MGAT4C: variants seen among roughly 807,000 people sequenced by gnomAD.
MGAT4C encodes the protein MGAT4 family member C.
In MGAT4C, 19 loss-of-function variants were observed where a neutral mutation model predicts 40.1. The observed-to-expected ratio is 0.47, with a 90% CI of 0.33 to 0.70. The LOEUF is 0.70. Among genes scored for constraint, MGAT4C ranks in the 30% least tolerant of loss-of-function variants. MGAT4C has a pLI of 0.02. For synonymous variants in MGAT4C, 181 were observed against 187.1 expected (o/e 0.97, Z 0.27); for missense variants, 491 against 563.2 (o/e 0.87, Z 1.30).
intron 3 of MGAT4C, among the ~76,000 whole-genome samples, chr12:86,361,652 A>T (rs578182326): frequency 6.6e-6 from 1 of 152,330 alleles, no homozygotes; most frequent in Non-Finnish European, 1.5e-5. Context: ...AAAATCATAC[A>T]ACCCCATCAA....
At chr12:86,144,076 C>A (rs1326295933) in intron 1 of MGAT4C, among the ~76,000 whole-genome samples, 1 of 152,150 alleles carries the variant, frequency 6.6e-6, no homozygotes, top group Non-Finnish European at 1.5e-5. Context: ...AAGAGGGAGC[C>A]ACTAGGTGGC....
chr12:86,524,442 G>C (rs1214435621), intron 2 of MGAT4C, among the ~76,000 whole-genome samples: 1 of 151,802 alleles, frequency 6.6e-6, no homozygotes, highest in Non-Finnish European at 1.5e-5. Flanking sequence ...GCTACTGTTA[G>C]TCTGATGAGC....
chr12:86,689,150 G>T (rs1313142781), intron 2 of MGAT4C, among the ~76,000 whole-genome samples: 2 of 152,114 alleles, frequency 1.3e-5, no homozygotes, highest in Admixed American at 1.3e-4. Flanking sequence ...TGATACCTGT[G>T]TATACTTCAC....
At position 86,707,528 on chromosome 12, in the gene MGAT4C, C is replaced by CT. The variant is rs755566527; in HGVS notation, c.-229+19680dup. ...TATCTGGCGGAGGAATTTTTCTTTT[C>CT]TTTTTTTTTTTTTTTTAATTGAGGT... On this transcript the variant is annotated intron_variant, in intron 2 of 7. Transcript: ENST00000548651. Among the ~76,000 whole-genome samples, 751 of 132,824 alleles carry CT rather than the reference C, an allele frequency of 5.7e-3. 6 individuals carry two copies. Among genetic ancestry groups the CT allele is most frequent in the African/African-American group, 0.016 (576 of 36,366 alleles). 87.1% of individuals were successfully genotyped at this position (132,824 alleles called of 152,430 possible).
intron 1 of MGAT4C, among the ~76,000 whole-genome samples, chr12:86,767,124 A>T (rs1210992347): frequency 6.6e-6 from 1 of 152,186 alleles, no homozygotes; most frequent in African/African-American, 2.4e-5. Flanking sequence ...ACTGCTAGCA[A>T]GATTAATAAA....
At chr12:86,089,656 A>G (rs1022863839) in intron 1 of MGAT4C, among the ~76,000 whole-genome samples, 1 of 151,728 alleles carries the variant, frequency 6.6e-6, no homozygotes, top group Admixed American at 6.6e-5. Context: ...TCATCTTTTT[A>G]CCATTTAAGC....
intron 1 of MGAT4C, among the ~76,000 whole-genome samples, chr12:86,184,738 T>TAAAAA (rs34098097): frequency 1.2e-5 from 1 of 86,910 alleles, no homozygotes; most frequent in African/African-American, 4.8e-5. Context: ...TTTCTCCTGT[T>TAAAAA]AAAAAAAAAA....
intron 2 of MGAT4C, among the ~76,000 whole-genome samples, chr12:86,681,874 A>G (rs1474397679): frequency 2.0e-5 from 3 of 152,054 alleles, no homozygotes; most frequent in African/African-American, 7.2e-5. Flanking sequence ...TAGAACCTGG[A>G]AAGTAGAAAT....
At chr12:86,591,829 T>C (rs1448524076) in intron 2 of MGAT4C, among the ~76,000 whole-genome samples, 1 of 151,806 alleles carries the variant, frequency 6.6e-6, no homozygotes, top group Non-Finnish European at 1.5e-5. Flanking sequence ...TTTCTGGTGA[T>C]CCAAATTGTT....
chr12:86,422,882 T>C (rs915540794), intron 3 of MGAT4C, among the ~76,000 whole-genome samples: 16 of 152,162 alleles, frequency 1.1e-4, no homozygotes, highest in African/African-American at 3.4e-4. Context: ...GCTTAATATA[T>C]CTGATATGTC....
chr12:86,250,329 CTGAGAGAGAGAGAG>C (rs1952218234), intron 1 of MGAT4C, among the ~76,000 whole-genome samples: 2 of 75,222 alleles, frequency 2.7e-5, no homozygotes, highest in East Asian at 7.5e-4. Flanking sequence ...CACACACACA[CTGAGAGAGAGAGAG>C]AGAGAGAGAG....
At chr12:86,384,822 C>G (rs1028750879) in intron 3 of MGAT4C, among the ~76,000 whole-genome samples, 2 of 152,142 alleles carry the variant, frequency 1.3e-5, no homozygotes, top group Non-Finnish European at 2.9e-5. Flanking sequence ...CTTCTACTCC[C>G]TCTTCAGATG....
At chr12:86,696,697 G>A (rs897340169) in intron 2 of MGAT4C, among the ~76,000 whole-genome samples, 4 of 152,074 alleles carry the variant, frequency 2.6e-5, no homozygotes, top group Admixed American at 6.6e-5. Flanking sequence ...ATCCATACAA[G>A]CTTCAGATTT....
intron 2 of MGAT4C, among the ~76,000 whole-genome samples, chr12:86,474,288 G>A (rs187300654): frequency 2.0e-4 from 29 of 146,622 alleles, no homozygotes; most frequent in Admixed American, 1.1e-3. Flanking sequence ...ACCAAACACC[G>A]CATTTTCTCA....
intron 2 of MGAT4C, among the ~76,000 whole-genome samples, chr12:86,697,354 G>C (rs557765057): frequency 6.6e-6 from 1 of 152,024 alleles, no homozygotes; most frequent in African/African-American, 2.4e-5. Flanking sequence ...TGATATTAAA[G>C]TGGAACAGCT....
chr12:86,358,278 T>C (rs188529144), intron 3 of MGAT4C, among the ~76,000 whole-genome samples: 7 of 151,256 alleles, frequency 4.6e-5, no homozygotes, highest in African/African-American at 4.8e-5. Flanking sequence ...CAAGTAAATA[T>C]TGAGATTTTG....
chr12:85,969,283 C>T lies in MGAT4C; in HGVS notation c.*10006G>A, dbSNP rs1426192729. ...GTAAGCTATAGGCCAATAAACACAA[C>T]TTTGGGGTTTACTGATGTTTTCCAA... On this transcript the variant is annotated 3_prime_UTR_variant, in exon 5 of 5. Coordinates refer to ENST00000611864, the MANE Select transcript of MGAT4C (RefSeq NM_001351288.2). 6.6e-6 allele frequency: 1 copy of T among 151,768 alleles called. No homozygotes were observed. The highest frequency in any genetic ancestry group is 1.9e-4 in the East Asian group (1 of 5,172). The allele number at this position is 151,768 out of a possible 1,614,324, so 9.4% of individuals were successfully genotyped here.
intron 4 of MGAT4C, among the ~76,000 whole-genome samples, chr12:86,326,420 G>A (rs969964677): frequency 6.6e-6 from 1 of 151,612 alleles, no homozygotes; most frequent in African/African-American, 2.4e-5. Flanking sequence ...ACATCACAGT[G>A]TACACGATTA....
chr12:86,216,072 C>T (rs1282781508), intron 1 of MGAT4C, among the ~76,000 whole-genome samples: 1 of 151,842 alleles, frequency 6.6e-6, no homozygotes, highest in African/African-American at 2.4e-5. Context: ...TCTGAGACTC[C>T]AGGAGACTAG....
Sources: gnomAD v4.1 joint callset for allele counts (sites outside exome capture counted in the v4.1 genomes callset) on GRCh38, gnomAD v4.1.1 for gene constraint, MANE v1.5 for transcripts, NCBI Gene and HGNC (gene_info 2026-07-23, HGNC 2026-07-21) for gene names.